Variants in LARP1B observed in about 807,000 individuals in gnomAD.
LARP1B encodes la-related protein 1B.
In LARP1B, 76 loss-of-function variants were observed where a neutral mutation model predicts 114.2. The observed-to-expected ratio is 0.67, with a 90% CI of 0.55 to 0.81. The LOEUF (loss-of-function observed/expected upper bound fraction) is 0.81. LARP1B is among the 30% of genes least tolerant of loss of function. The pLI, the probability that LARP1B is intolerant of heterozygous loss-of-function variation, is 0.00. For missense variants in LARP1B, 1,014 were observed against 1,075.8 expected (o/e 0.94, Z 0.80); for synonymous variants, 345 against 348.0 (o/e 0.99, Z 0.10).
intron 11 of LARP1B, among the ~76,000 whole-genome samples, chr4:128,155,136 G>A (rs1472998498): frequency 6.6e-6 from 1 of 151,876 alleles, no homozygotes; most frequent in Non-Finnish European, 1.5e-5. Context: ...AACAAGGCAA[G>A]GTATAAATTT....
At position 128,122,449 on chromosome 4, in the gene LARP1B, T is replaced by C; in HGVS notation, c.1524+261T>C. The C allele has an allele frequency of 4.0e-6, 6 of 1,513,588 alleles. No homozygotes were observed. In the South Asian group the frequency reaches 6.2e-5, roughly 16 times the overall value. The allele number at this position is 1,513,588 out of a possible 1,614,324, so 93.8% of individuals were successfully genotyped here. A position where few individuals can be genotyped will look rare whatever the true frequency, so the allele number is the denominator to read the frequency against. ...TGACTTATACCCTTGTTTTTTTTTT[T>C]TTTTGTTTTGTTTTTTTTTGTTTTT... On this transcript the variant is annotated intron_variant, in intron 11 of 19. Transcript: ENST00000326639.
At chr4:128,119,909 T>A (rs555642948) in intron 10 of LARP1B, among the ~76,000 whole-genome samples, 2 of 152,344 alleles carry the variant, frequency 1.3e-5, no homozygotes, top group East Asian at 3.9e-4. Context: ...CCTAATCTCT[T>A]AATAATGGTC....
chr4:128,184,561 T>C (rs906820415), intron 15 of LARP1B, among the ~76,000 whole-genome samples: 2 of 152,186 alleles, frequency 1.3e-5, no homozygotes, highest in Non-Finnish European at 2.9e-5. Flanking sequence ...CTTTATTCTG[T>C]TCCATTTTTT....
At chr4:128,106,300 G>A (rs1224858996) in intron 8 of LARP1B, among the ~76,000 whole-genome samples, 1 of 152,186 alleles carries the variant, frequency 6.6e-6, no homozygotes. Context: ...GGGATTACAG[G>A]CATGAGCACC....
At chr4:128,098,933 A>G (rs1779274316) in intron 8 of LARP1B, among the ~76,000 whole-genome samples, 1 of 150,182 alleles carries the variant, frequency 6.7e-6, no homozygotes, top group South Asian at 2.1e-4. Flanking sequence ...ACGCACCATC[A>G]TGCCCGGCTA....
intron 15 of LARP1B, among the ~76,000 whole-genome samples, chr4:128,180,054 A>G (rs1196801370): frequency 6.6e-6 from 1 of 152,174 alleles, no homozygotes; most frequent in Non-Finnish European, 1.5e-5. Flanking sequence ...GCAAAGCACT[A>G]TGGTATGTTT....
At chr4:128,138,250 A>G (rs915198277) in intron 11 of LARP1B, among the ~76,000 whole-genome samples, 3 of 152,204 alleles carry the variant, frequency 2.0e-5, no homozygotes, top group African/African-American at 7.2e-5. Flanking sequence ...GATATTTTAC[A>G]TGGAATGCAA....
chr4:128,181,180 CTT>C lies in LARP1B; in HGVS notation c.2003+1683_2003+1684del, dbSNP rs70966086. 1.0e-3 allele frequency among the ~76,000 whole-genome samples: 131 copies of C among 129,988 alleles called. 1 individual carries two copies. Among genetic ancestry groups the C allele is most frequent in the Middle Eastern group, 8.2e-3 (2 of 244 alleles). The allele number at this position is 129,988 out of a possible 152,430, so 85.3% of individuals were successfully genotyped here. On this transcript the variant is annotated intron_variant, in intron 15 of 19. Transcript: ENST00000326639. ...CTATCATTTATTTTTCTCATCCATT[CTT>C]TTTTTTTTTTTTTTCTTTTGAGACT...
chr4:128,209,680 G>T (rs554960754), intron 19 of LARP1B, among the ~76,000 whole-genome samples, 176 bp from the exon 20 acceptor site: 13 of 143,962 alleles, frequency 9.0e-5, no homozygotes, highest in African/African-American at 3.4e-4. Context: ...CCGAGATCGC[G>T]CCACTGCACT....
intron 12 of LARP1B, among the ~76,000 whole-genome samples, chr4:128,167,351 G>T (rs576098582): frequency 2.4e-4 from 37 of 151,962 alleles, no homozygotes; most frequent in African/African-American, 8.7e-4. Flanking sequence ...ATACCTGTTG[G>T]CATTGTTATG....
chr4:128,172,928 T>C (rs1241627735), intron 12 of LARP1B, among the ~76,000 whole-genome samples: 1 of 140,374 alleles, frequency 7.1e-6, no homozygotes, highest in Non-Finnish European at 1.5e-5. Flanking sequence ...CTATTTTTAA[T>C]CCCATCCAAT....
intron 5 of LARP1B, among the ~76,000 whole-genome samples, chr4:128,089,632 G>A (rs186906807): frequency 2.0e-5 from 3 of 152,082 alleles, no homozygotes; most frequent in Admixed American, 6.6e-5. Flanking sequence ...CACCGCACCC[G>A]GCTAATGTTC....
At chr4:128,167,390 C>T (rs989623785) in intron 12 of LARP1B, among the ~76,000 whole-genome samples, 1 of 151,884 alleles carries the variant, frequency 6.6e-6, no homozygotes, top group Non-Finnish European at 1.5e-5. Context: ...CTAATCAGGT[C>T]TTTTGCCCAT....
intron 11 of LARP1B, among the ~76,000 whole-genome samples, chr4:128,147,698 G>A (rs929225232): frequency 1.1e-4 from 16 of 152,022 alleles, no homozygotes; most frequent in Non-Finnish European, 1.5e-5. Flanking sequence ...AACTTATAAA[G>A]TCAATAAATG....
At chr4:128,209,327 A>C (rs1578799226) in intron 19 of LARP1B, among the ~76,000 whole-genome samples, 1 of 152,214 alleles carries the variant, frequency 6.6e-6, no homozygotes, top group East Asian at 1.9e-4. Context: ...AGGCTGAGGC[A>C]GGAGAATCGC....
At position 128,091,465 on chromosome 4, in the gene LARP1B, G is replaced by T; in HGVS notation, c.621G>T (p.Val207=). The change falls in exon 7 of 20, where the codon GTG becomes GTT. Residue 207 remains valine, a synonymous_variant. Coordinates refer to ENST00000326639, the MANE Select transcript of LARP1B (RefSeq NM_018078.4). ...ATGATGATGGTACAGGTGTACAGGTGTATCCTGTGGAAGAAGCATTGCTTA... is the reference window on the plus strand; with the variant it reads ...ATGATGATGGTACAGGTGTACAGGTTTATCCTGTGGAAGAAGCATTGCTTA... ...YYYDDGTGVQ[V]YPVEEALLKE... 6.2e-7 allele frequency: 1 copy of T among 1,609,250 alleles called. No homozygotes were observed. Among genetic ancestry groups the T allele is most frequent in the Non-Finnish European group, 8.5e-7 (1 of 1,176,948 alleles).
In LARP1B at chr4:128,211,084, TG is replaced by T. The variant is rs1389781377; in HGVS notation, c.*1033del. The T allele has an allele frequency of 2.2e-6, 2 of 898,798 alleles. No homozygotes were observed. The highest frequency in any genetic ancestry group is 2.7e-6 in the Non-Finnish European group (2 of 751,350). The allele number at this position is 898,798 out of a possible 1,614,324, so 55.7% of individuals were successfully genotyped here. On this transcript the variant is annotated 3_prime_UTR_variant, in exon 20 of 20. Transcript: ENST00000326639. ...TTATTGCTATTACAACTGATGTAAA[TG>T]GTAGTTTCAGTTTTTGTGAGATTTA...
At chr4:128,202,510 A>G (rs1756301624) in intron 17 of LARP1B, among the ~76,000 whole-genome samples, 2 of 152,230 alleles carry the variant, frequency 1.3e-5, no homozygotes, top group Non-Finnish European at 2.9e-5. Flanking sequence ...TATAAGGTAA[A>G]ATATTTTTCA....
intron 16 of LARP1B, among the ~76,000 whole-genome samples, chr4:128,199,859 G>T (rs1755383087): frequency 6.6e-6 from 1 of 152,232 alleles, no homozygotes; most frequent in Non-Finnish European, 1.5e-5. Context: ...GCCGAGGCAT[G>T]CAGATCACTT....
Sources: allele counts gnomAD v4.1 joint callset (sites outside exome capture counted in the v4.1 genomes callset), GRCh38; gene constraint gnomAD v4.1.1; transcripts MANE v1.5; gene names NCBI Gene and HGNC (gene_info 2026-07-23, HGNC 2026-07-21).